The following RAPGEF6 variants were observed in gnomAD, a reference collection of about 807,000 sequenced individuals.
RAPGEF6 encodes Rap guanine nucleotide exchange factor 6.
In RAPGEF6, 56 loss-of-function variants were observed where a neutral mutation model predicts 171.4. The ratio of observed to expected loss-of-function variants is 0.33; its 90% CI spans 0.26 to 0.41. The LOEUF (loss-of-function observed/expected upper bound fraction) is 0.41. Among genes scored for constraint, RAPGEF6 ranks in the 10% least tolerant of loss-of-function variants. The pLI is 1.00. For missense variants in RAPGEF6, 1,674 were observed against 1,921.4 expected (o/e 0.87, Z 2.41); for synonymous variants, 692 against 650.1 (o/e 1.06, Z -0.98).
At chr5:131,497,908 T>A (rs1438972495) in intron 12 of RAPGEF6, among the ~76,000 whole-genome samples, 1 of 152,176 alleles carries the variant, frequency 6.6e-6, no homozygotes, top group African/African-American at 2.4e-5. Flanking sequence ...TTTAAAATAG[T>A]GAACAACATT....
chr5:131,484,250 CAG>C (rs1479199729), intron 15 of RAPGEF6, among the ~76,000 whole-genome samples: 3 of 83,924 alleles, frequency 3.6e-5, no homozygotes, highest in African/African-American at 5.1e-5. Context: ...TTTTTTGAGA[CAG>C]AGTCTTGCTC....
chr5:131,473,055 A>C, intron 16 of RAPGEF6: 1 of 267,446 alleles, frequency 3.7e-6, no homozygotes, highest in South Asian at 6.1e-5. Context: ...AACCCTTCAA[A>C]TTTGCCAGTT....
chr5:131,431,883 G>C (rs1202402153), intron 25 of RAPGEF6, among the ~76,000 whole-genome samples: 1 of 152,114 alleles, frequency 6.6e-6, no homozygotes, highest in East Asian at 1.9e-4. Context: ...CACAATATTA[G>C]ACTACTGCGT....
rs542090965 is a variant in RAPGEF6 at position 131,566,160 on chromosome 5, A to AG, written c.282-4114_282-4113insC. 4.8e-3 allele frequency among the ~76,000 whole-genome samples: 725 copies of AG among 152,002 alleles called. 3 individuals are homozygous for AG. The highest frequency in any genetic ancestry group is 0.017 in the African/African-American group (685 of 41,504). ...AGACTCTGTCTCAATAAAGAAAGAA[A>AG]AAAAAAAAAGGATCAGGGATACAAA... On this transcript the variant is annotated intron_variant, in intron 4 of 27. Coordinates refer to ENST00000509018, the MANE Select transcript of RAPGEF6 (RefSeq NM_016340.6).
chr5:131,580,634 C>T (rs1230393291), intron 4 of RAPGEF6, among the ~76,000 whole-genome samples: 4 of 152,206 alleles, frequency 2.6e-5, no homozygotes, highest in Non-Finnish European at 5.9e-5. Context: ...TTTTCTCATA[C>T]ACCATGAGAA....
In RAPGEF6 at chr5:131,425,255, A is replaced by G. The variant is rs1450669026; in HGVS notation, c.*2011T>C. On this transcript the variant is annotated 3_prime_UTR_variant, in exon 28 of 28. Coordinates refer to ENST00000509018, the MANE Select transcript of RAPGEF6 (RefSeq NM_016340.6). ...CCATTTGGTTTGAAAGACCTGCTAA[A>G]TAAAGACATTATGAAAACAGCACAT... is the stretch of plus-strand genomic sequence containing the variant. The G allele has an allele frequency of 6.6e-6, 1 of 152,396 alleles. No homozygotes were observed. The highest frequency in any genetic ancestry group is 1.5e-5 in the Non-Finnish European group (1 of 68,034). 9.4% of individuals were successfully genotyped at this position (152,396 alleles called of 1,614,324 possible).
intron 1 of RAPGEF6, among the ~76,000 whole-genome samples, chr5:131,625,210 T>G (rs1166537203): frequency 2.0e-5 from 3 of 151,882 alleles, no homozygotes; most frequent in Non-Finnish European, 4.4e-5. Context: ...TGCGGTGAGC[T>G]GAGATTGTGC....
intron 14 of RAPGEF6, among the ~76,000 whole-genome samples, chr5:131,490,256 A>G (rs116671920): frequency 4.1e-4 from 62 of 152,314 alleles, no homozygotes; most frequent in Non-Finnish European, 7.9e-4. Flanking sequence ...CTAAGGGAAA[A>G]GGATAAAAAG....
chr5:131,610,259 T>G (rs2150022894), intron 1 of RAPGEF6, among the ~76,000 whole-genome samples: 1 of 152,320 alleles, frequency 6.6e-6, no homozygotes, highest in Admixed American at 6.5e-5. Context: ...CTATGGACTC[T>G]GCATGTTTGC....
intron 6 of RAPGEF6, among the ~76,000 whole-genome samples, chr5:131,525,936 T>C (rs1189676787): frequency 6.6e-6 from 1 of 152,190 alleles, no homozygotes; most frequent in Non-Finnish European, 1.5e-5. Context: ...GTTATTATTA[T>C]CTCTATTTTA....
chr5:131,479,657 T>C lies in RAPGEF6; in HGVS notation c.1937A>G (p.Gln646Arg). The C allele has an allele frequency of 6.2e-7, 1 of 1,614,100 alleles. No homozygotes were observed. Among genetic ancestry groups the C allele is most frequent in the Non-Finnish European group, 8.5e-7 (1 of 1,179,992 alleles). ...AEKKSNRHSI[Q>R]HVPGDIEQTS... The stretch of plus-strand genomic sequence containing the variant: ...CTGTTCAATATCTCCTGGCACATGC[T>C]GGATAGAATGGCGATTACTTTTTTT... The change falls in exon 16 of 28, where the codon CAG (glutamine) becomes CGG (arginine). Residue 646 changes from glutamine (Q) to arginine (R), a missense_variant. By Grantham distance (43) the Gln-to-Arg change is conservative. Around this residue, in one of 3 missense-constraint regions of RAPGEF6, gnomAD observed 1,116 missense variants for 1,321.5 expected, o/e 0.84. Coordinates refer to ENST00000509018, the MANE Select transcript of RAPGEF6 (RefSeq NM_016340.6).
chr5:131,480,769 A>G lies in RAPGEF6; in HGVS notation c.1841-1016T>C, dbSNP rs557051645. ...GCTGGGATTACAGGCATGAGCCACC[A>G]TGCCCGGCCTAATTTTGGTAATTTT... On this transcript the variant is annotated intron_variant, in intron 15 of 27. Transcript: ENST00000509018. 1.9e-3 allele frequency among the ~76,000 whole-genome samples: 293 copies of G among 151,966 alleles called. 3 individuals are homozygous for G. Among genetic ancestry groups the G allele is most frequent in the Middle Eastern group, 3.4e-3 (1 of 292 alleles).
rs753574683 is a variant in RAPGEF6 at position 131,489,555 on chromosome 5, T to C, written c.1831A>G (p.Asn611Asp). Residue 611 changes from asparagine to aspartate, a missense_variant, in exon 15 of 28, where the codon AAC becomes GAC. Physicochemically the swap from Asn to Asp is conservative, Grantham distance 23. This residue lies in a region of RAPGEF6 where 1,116 missense variants were observed against 1,321.5 expected (regional missense o/e 0.84). Coordinates refer to ENST00000509018, the MANE Select transcript of RAPGEF6 (RefSeq NM_016340.6). Reference sequence around the variant, plus strand: ...TTACAACAAAACTCACCAAAAATGTTGGTCTTCACAGTAAGTGCAAGATGA... The same window carrying C: ...TTACAACAAAACTCACCAAAAATGTCGGTCTTCACAGTAAGTGCAAGATGA... ...NTHLALTVKT[N>D]IFVFKELLFR... 7.0e-6 allele frequency: 11 copies of C among 1,570,308 alleles called. No individual in the cohort carries two copies. In the African/African-American group the frequency reaches 1.4e-4, roughly 20 times the overall value.
rs368159571 is a variant in RAPGEF6, at chr5:131,510,437, C to G, written c.682G>C (p.Val228Leu). The G allele has an allele frequency of 6.2e-7, 1 of 1,614,106 alleles. No individual in the cohort carries two copies. The part of the protein sequence containing the change: ...VDLTRLPEGP[V>L]DSEDDEEEDE... The stretch of plus-strand genomic sequence containing the variant: ...TCCTCTTCGTCATCCTCAGAATCAA[C>G]AGGTCCTTCTGGAAGACGTGTCAAA... The change falls in exon 8 of 28, where the codon GTT (valine) becomes CTT (leucine). Residue 228 changes from valine (V) to leucine (L), a missense_variant. Physicochemically the swap from Val to Leu is conservative, Grantham distance 32. Transcript: ENST00000509018.
intron 6 of RAPGEF6, among the ~76,000 whole-genome samples, chr5:131,521,889 ACACTCTCT>A (rs1367966425): frequency 4.6e-5 from 6 of 130,814 alleles, no homozygotes; most frequent in African/African-American, 1.1e-4. Context: ...ACACACACAC[ACACTCTCT>A]CTCTCTCTCA....
At chr5:131,484,949 A>G (rs751362847) in intron 15 of RAPGEF6, among the ~76,000 whole-genome samples, 3 of 152,176 alleles carry the variant, frequency 2.0e-5, no homozygotes, top group Non-Finnish European at 2.9e-5. Context: ...GGGTTTAGAG[A>G]CAGAGTCTTG....
At chr5:131,545,481 C>T (rs751583187) in intron 6 of RAPGEF6, among the ~76,000 whole-genome samples, 4 of 151,960 alleles carry the variant, frequency 2.6e-5, no homozygotes, top group Non-Finnish European at 5.9e-5. Context: ...CTTTTTCTCT[C>T]TGAATTGCTG....
At chr5:131,481,885 T>C (rs1166284396) in intron 15 of RAPGEF6, among the ~76,000 whole-genome samples, 1 of 152,244 alleles carries the variant, frequency 6.6e-6, no homozygotes, top group African/African-American at 2.4e-5. Context: ...TTTTTATTTT[T>C]TAAGTTGTAA....
chr5:131,635,100 G>A lies in RAPGEF6; in HGVS notation c.-70C>T, dbSNP rs1169111111. ...CCACAGTTCATTCACACTAGGTAGCGGGTGCGGTACCTTTCCCCCGCCCCA... is the reference window on the plus strand; with the variant it reads ...CCACAGTTCATTCACACTAGGTAGCAGGTGCGGTACCTTTCCCCCGCCCCA... On this transcript the variant is annotated 5_prime_UTR_variant, in exon 1 of 28. Transcript: ENST00000509018. 10 of 1,460,102 alleles carry A rather than the reference G, an allele frequency of 6.8e-6. No homozygotes were observed. The East Asian group carries it at 1.2e-4, about 18-fold the overall frequency. 90.4% of individuals were successfully genotyped at this position (1,460,102 alleles called of 1,614,324 possible).
Sources: allele counts gnomAD v4.1 joint callset (sites outside exome capture counted in the v4.1 genomes callset), GRCh38; gene constraint gnomAD v4.1.1; regional missense constraint gnomAD v4.1.1; transcripts MANE v1.5; gene names NCBI Gene and HGNC (gene_info 2026-07-23, HGNC 2026-07-21).